RAMAC: variants seen among roughly 807,000 people sequenced by gnomAD.
The protein encoded by RAMAC is RNA guanine-7 methyltransferase activating subunit.
Under a neutral mutation model 17.9 loss-of-function variants are expected in RAMAC, and 11 were observed. That is an observed-to-expected ratio of 0.61 (90% CI 0.39 to 1.02). The LOEUF (loss-of-function observed/expected upper bound fraction) is 1.02, where lower values mean the gene tolerates loss of function less well. Among genes scored for constraint, RAMAC ranks in the 50% least tolerant of loss-of-function variants. RAMAC has a pLI of 0.01. For missense variants in RAMAC, 109 were observed against 144.0 expected (o/e 0.76, Z 1.25); for synonymous variants, 27 against 48.4 (o/e 0.56, Z 1.84).
chr15:82,987,963 A>C (rs896892091), intron 2 of RAMAC, among the ~76,000 whole-genome samples: 1 of 148,364 alleles, frequency 6.7e-6, no homozygotes, highest in African/African-American at 2.5e-5. Flanking sequence ...TGAATTCGAG[A>C]GGCAGAGATT....
In RAMAC at chr15:82,990,773, AAAAT is replaced by A. The variant is rs1187061287; in HGVS notation, c.*707_*710del. 1 of 789,788 alleles carries A rather than the reference AAAAT, an allele frequency of 1.3e-6. No homozygotes were observed. Among genetic ancestry groups the A allele is most frequent in the East Asian group, 2.7e-5 (1 of 37,194 alleles). 48.9% of individuals were successfully genotyped at this position (789,788 alleles called of 1,614,324 possible). A position where few individuals can be genotyped will look rare whatever the true frequency, so the allele number is the denominator to read the frequency against. On this transcript the variant is annotated 3_prime_UTR_variant, in exon 4 of 4. Transcript: ENST00000304191. ...CTTTTTGCTAACAACATAGCAGGTC[AAAAT>A]TCACACATAAGAAAGTTTAACTCTG... is the stretch of plus-strand genomic sequence containing the variant.
chr15:82,989,972 G>A lies in RAMAC; in HGVS notation c.262G>A (p.Gly88Ser), dbSNP rs775320229. The A allele has an allele frequency of 1.1e-5, 18 of 1,607,998 alleles. No homozygotes were observed. In the African/African-American group the frequency reaches 2.2e-4, roughly 19 times the overall value. The change falls in exon 4 of 4, where the codon GGT (glycine) becomes AGT (serine). Residue 88 changes from glycine (G) to serine (S), a missense_variant. Coordinates refer to ENST00000304191, the MANE Select transcript of RAMAC (RefSeq NM_031452.4). ...CAATCAGTGGCATGGACGATCCTGG[G>A]GTAACAACTACCCGCAACACAGACA... Reference protein sequence around the residue: ...RSNQWHGRSWGNNYPQHRQEP... With the variant: ...RSNQWHGRSWSNNYPQHRQEP...
intron 2 of RAMAC, chr15:82,988,702 C>T: frequency 2.2e-6 from 1 of 457,630 alleles, no homozygotes; most frequent in Non-Finnish European, 4.3e-6. Flanking sequence ...GTGTGGGTGG[C>T]ATGCACCTGT....
chr15:82,986,828 T>G (rs2030633538), intron 1 of RAMAC, among the ~76,000 whole-genome samples: 1 of 152,260 alleles, frequency 6.6e-6, no homozygotes, highest in African/African-American at 2.4e-5. Flanking sequence ...TGAACTATTT[T>G]GCTTTTGAAG....
At chr15:82,987,142 C>T (rs1437972112) in intron 1 of RAMAC, among the ~76,000 whole-genome samples, 194 bp from the exon 2 acceptor site, 3 of 152,170 alleles carry the variant, frequency 2.0e-5, no homozygotes, top group Admixed American at 1.3e-4. Context: ...TGGTCTCGAT[C>T]TCTTGACTTC....
Position 82,990,516 on chromosome 15 carries a change from A to G in RAMAC, c.*449A>G, listed in dbSNP as rs2151271361. 2 of 701,380 alleles carry G rather than the reference A, an allele frequency of 2.9e-6. No individual in the cohort carries two copies. The highest frequency in any genetic ancestry group is 2.7e-5 in the East Asian group (1 of 36,364). 43.4% of individuals were successfully genotyped at this position (701,380 alleles called of 1,614,324 possible). On this transcript the variant is annotated 3_prime_UTR_variant, in exon 4 of 4. Coordinates refer to ENST00000304191, the MANE Select transcript of RAMAC (RefSeq NM_031452.4). Reference sequence around the variant, plus strand: ...CTTTTTGTGATAGATTGTACATAACATCAGCAGTTGAAAGGTAAAACAATT... The same window carrying G: ...CTTTTTGTGATAGATTGTACATAACGTCAGCAGTTGAAAGGTAAAACAATT...
chr15:82,986,777 C>T (rs1429777921), intron 1 of RAMAC, among the ~76,000 whole-genome samples: 2 of 152,168 alleles, frequency 1.3e-5, no homozygotes, highest in African/African-American at 4.8e-5. Flanking sequence ...AAGGCTTACC[C>T]TAAAAGAACA....
chr15:82,990,056 G>C lies in RAMAC; in HGVS notation c.346G>C (p.Gly116Arg). Reference protein sequence around the residue: ...HYGYNQRPPYGYY With the variant: ...HYGYNQRPPYRYY ...TGGTTACAACCAGCGGCCTCCTTAC[G>C]GTTACTACTGATAGAAATGTTGGCA... is the stretch of plus-strand genomic sequence containing the variant. The change falls in exon 4 of 4, where the codon GGT becomes CGT. Residue 116 changes from glycine to arginine, a missense_variant. Gly to Arg is a moderately radical substitution (Grantham distance 125, BLOSUM62 -2). Coordinates refer to ENST00000304191, the MANE Select transcript of RAMAC (RefSeq NM_031452.4). 1 of 1,406,824 alleles carries C rather than the reference G, an allele frequency of 7.1e-7. No individual in the cohort carries two copies. The allele number at this position is 1,406,824 out of a possible 1,614,324, so 87.1% of individuals were successfully genotyped here. A position where few individuals can be genotyped will look rare whatever the true frequency, so the allele number is the denominator to read the frequency against.
At position 82,987,335 on chromosome 15, in the gene RAMAC, G is replaced by C. The variant is rs1275229931; in HGVS notation, c.-58-1G>C. On this transcript the variant is annotated splice_acceptor_variant, in intron 1 of 3. Coordinates refer to ENST00000304191, the MANE Select transcript of RAMAC (RefSeq NM_031452.4). LOFTEE classifies it low-confidence loss of function (5UTR_SPLICE). ...TCAAGTTTGTTTTTTTCCTCCCACA[G>C]ATTTAAACAACCTAAACATTAAGCA... 4 of 152,116 alleles carry C rather than the reference G, an allele frequency of 2.6e-5. No homozygotes were observed. Among genetic ancestry groups the C allele is most frequent in the Non-Finnish European group, 4.4e-5 (3 of 68,018 alleles). 9.4% of individuals were successfully genotyped at this position (152,116 alleles called of 1,614,324 possible). A position where few individuals can be genotyped will look rare whatever the true frequency, so the allele number is the denominator to read the frequency against.
In RAMAC at chr15:82,990,783, C is replaced by A; in HGVS notation, c.*716C>A. ...ACAACATAGCAGGTCAAAATTCACACATAAGAAAGTTTAACTCTGTACTGT... is the reference window on the plus strand; with the variant it reads ...ACAACATAGCAGGTCAAAATTCACAAATAAGAAAGTTTAACTCTGTACTGT... On this transcript the variant is annotated 3_prime_UTR_variant, in exon 4 of 4. Transcript: ENST00000304191. 1 of 740,038 alleles carries A rather than the reference C, an allele frequency of 1.4e-6. No individual in the cohort carries two copies. Among genetic ancestry groups the A allele is most frequent in the Non-Finnish European group, 2.3e-6 (1 of 434,572 alleles). The allele number at this position is 740,038 out of a possible 1,614,324, so 45.8% of individuals were successfully genotyped here. A position where few individuals can be genotyped will look rare whatever the true frequency, so the allele number is the denominator to read the frequency against.
In RAMAC at chr15:82,986,219, T is replaced by A; in HGVS notation, c.-209T>A. 1 of 613,990 alleles carries A rather than the reference T, an allele frequency of 1.6e-6. No individual in the cohort carries two copies. The highest frequency in any genetic ancestry group is 2.0e-6 in the Non-Finnish European group (1 of 490,840). The allele number at this position is 613,990 out of a possible 1,614,324, so 38.0% of individuals were successfully genotyped here. On this transcript the variant is annotated 5_prime_UTR_variant, in exon 1 of 4. Coordinates refer to ENST00000304191, the MANE Select transcript of RAMAC (RefSeq NM_031452.4). ...GCCGGAAGCGGAAGTCAGGTGGTTG[T>A]CGGATTTTAGAGGAAGGCGCTCGGT...
In RAMAC at chr15:82,988,965, A is replaced by T. The variant is rs946572982; in HGVS notation, c.-9-45A>T. 6 of 1,520,640 alleles carry T rather than the reference A, an allele frequency of 3.9e-6. No homozygotes were observed. In the African/African-American group the frequency reaches 7.1e-5, roughly 18 times the overall value. The allele number at this position is 1,520,640 out of a possible 1,614,324, so 94.2% of individuals were successfully genotyped here. Reference sequence around the variant, plus strand: ...TTTTTCATTATTTGGAGAGAGTGTTAATTTTTAAATTTTTTTTAATGGAAA... The same window carrying T: ...TTTTTCATTATTTGGAGAGAGTGTTTATTTTTAAATTTTTTTTAATGGAAA... On this transcript the variant is annotated intron_variant, in intron 2 of 3. Coordinates refer to ENST00000304191, the MANE Select transcript of RAMAC (RefSeq NM_031452.4).
intron 3 of RAMAC, among the ~76,000 whole-genome samples, 188 bp from the exon 4 acceptor site, chr15:82,989,693 A>G (rs1306759652): frequency 6.6e-6 from 1 of 152,230 alleles, no homozygotes; most frequent in Non-Finnish European, 1.5e-5. Context: ...CTAGTATAAT[A>G]CTGGAAGAAT....
At chr15:82,986,684 T>C (rs2030624985) in intron 1 of RAMAC, among the ~76,000 whole-genome samples, 1 of 152,186 alleles carries the variant, frequency 6.6e-6, no homozygotes, top group Non-Finnish European at 1.5e-5. Flanking sequence ...GTTGGTTATT[T>C]CCAGGGTTAG....
intron 2 of RAMAC, chr15:82,988,679 G>A (rs1289061389): frequency 4.5e-6 from 2 of 445,800 alleles, no homozygotes; most frequent in African/African-American, 2.0e-5. Context: ...CAAAAAATAC[G>A]AAAATTAGCC....
Position 82,989,161 on chromosome 15 carries a change from G to A in RAMAC, c.143G>A (p.Gly48Asp), listed in dbSNP as rs545191636. The change falls in exon 3 of 4, where the codon GGT (glycine) becomes GAT (aspartate). Residue 48 changes from glycine to aspartate, a missense_variant. Transcript: ENST00000304191. Reference protein sequence around the residue: ...PIVEEWNSRAGGNQRNRGNRL... With the variant: ...PIVEEWNSRADGNQRNRGNRL... ...GTTGAGGAATGGAATAGCAGAGCTG[G>A]TGGGAACCAAAGAAACAGAGGCAAT... is the stretch of plus-strand genomic sequence containing the variant. The A allele has an allele frequency of 1.9e-6, 3 of 1,612,934 alleles. No homozygotes were observed. Among genetic ancestry groups the A allele is most frequent in the South Asian group, 1.1e-5 (1 of 90,824 alleles).
rs1327195254 is a variant in RAMAC at position 82,990,614 on chromosome 15, T to C, written c.*547T>C. Reference sequence around the variant, plus strand: ...TTCCTTAATCTATAGATGAGTCAGCTCCACACTTGAGTCTCTTTTTAGAGG... The same window carrying C: ...TTCCTTAATCTATAGATGAGTCAGCCCCACACTTGAGTCTCTTTTTAGAGG... On this transcript the variant is annotated 3_prime_UTR_variant, in exon 4 of 4. Transcript: ENST00000304191. The C allele has an allele frequency of 1.3e-6, 2 of 1,490,576 alleles. No homozygotes were observed. The highest frequency in any genetic ancestry group is 1.8e-6 in the Non-Finnish European group (2 of 1,094,008). The allele number at this position is 1,490,576 out of a possible 1,614,324, so 92.3% of individuals were successfully genotyped here. A position where few individuals can be genotyped will look rare whatever the true frequency, so the allele number is the denominator to read the frequency against.
At chr15:82,986,708 A>G (rs1235365501) in intron 1 of RAMAC, among the ~76,000 whole-genome samples, 1 of 152,160 alleles carries the variant, frequency 6.6e-6, no homozygotes, top group Non-Finnish European at 1.5e-5. Flanking sequence ...CCCGCAGCCA[A>G]AGTTCTTTGT....
At chr15:82,988,938 G>A in intron 2 of RAMAC, 72 bp from the exon 3 acceptor site, 1 of 1,422,646 alleles carries the variant, frequency 7.0e-7, no homozygotes, top group Non-Finnish European at 9.4e-7. Flanking sequence ...CTTACTTCTT[G>A]GTTTTTCATT....
Sources: gnomAD v4.1 joint callset for allele counts (sites outside exome capture counted in the v4.1 genomes callset) on GRCh38, gnomAD v4.1.1 for gene constraint, MANE v1.5 for transcripts, NCBI Gene and HGNC (gene_info 2026-07-23, HGNC 2026-07-21) for gene names.